Variants in CRADD observed in about 807,000 individuals in gnomAD.
CRADD encodes the protein death domain-containing protein CRADD.
In CRADD, 9 loss-of-function variants were observed where a neutral mutation model predicts 15.5. That is an observed-to-expected ratio of 0.58 (90% CI 0.35 to 1.01). The LOEUF is 1.01. Ranked by LOEUF, CRADD falls within the 50% of genes least tolerant of loss-of-function variation. CRADD has a pLI of 0.02. For synonymous variants in CRADD, 118 were observed against 107.6 expected (o/e 1.10, Z -0.60); for missense variants, 227 against 250.3 (o/e 0.91, Z 0.63).
intron 2 of CRADD, among the ~76,000 whole-genome samples, chr12:93,697,039 C>G (rs1196368247): frequency 3.3e-5 from 5 of 152,154 alleles, no homozygotes; most frequent in Admixed American, 3.3e-4. Context: ...TCTTGAAAAT[C>G]ACCTGAGTAA....
intron 2 of CRADD, among the ~76,000 whole-genome samples, chr12:93,732,710 G>T (rs1956487796): frequency 6.6e-6 from 1 of 152,156 alleles, no homozygotes; most frequent in Non-Finnish European, 1.5e-5. Context: ...TTGAGCTTTG[G>T]CAAGTCACTC....
At position 93,681,904 on chromosome 12, in the gene CRADD, G is replaced by T. The variant is rs185629629; in HGVS notation, c.298+2832G>T. Among the ~76,000 whole-genome samples, 363 of 152,224 alleles carry T rather than the reference G, an allele frequency of 2.4e-3. 3 individuals carry two copies. The highest frequency in any genetic ancestry group is 8.2e-3 in the African/African-American group (340 of 41,522). ...ATATGTATATATGTATATAGAGAGAGATATATATGTTTTTTGTGTGTGTGG... is the reference window on the plus strand; with the variant it reads ...ATATGTATATATGTATATAGAGAGATATATATATGTTTTTTGTGTGTGTGG... On this transcript the variant is annotated intron_variant, in intron 2 of 2. Coordinates refer to ENST00000332896, the MANE Select transcript of CRADD (RefSeq NM_003805.5).
chr12:93,863,951 C>T lies in CRADD; in HGVS notation c.299-30099C>T, dbSNP rs1958341100. Among the ~76,000 whole-genome samples, 5 of 152,048 alleles carry T rather than the reference C, an allele frequency of 3.3e-5. No individual in the cohort carries two copies. In the South Asian group the frequency reaches 8.3e-4, roughly 25 times the overall value. ...TGTTATTTATATATTTTACAGTACC[C>T]ATAAAAATAAATGCCTAACACCTAA... On this transcript the variant is annotated intron_variant, in intron 2 of 2. Transcript: ENST00000548483.
At chr12:93,801,431 C>T (rs1402658554) in intron 2 of CRADD, among the ~76,000 whole-genome samples, 1 of 152,172 alleles carries the variant, frequency 6.6e-6, no homozygotes, top group Non-Finnish European at 1.5e-5. Context: ...CGCAGTCTCA[C>T]TGTGTTGCCC....
chr12:93,834,724 G>A (rs1376803864), intron 2 of CRADD, among the ~76,000 whole-genome samples: 2 of 152,196 alleles, frequency 1.3e-5, no homozygotes, highest in African/African-American at 2.4e-5. Flanking sequence ...CCCACCTCAG[G>A]TGATCCACCT....
intron 2 of CRADD, among the ~76,000 whole-genome samples, chr12:93,702,682 G>C (rs1955864943): frequency 6.6e-6 from 1 of 151,588 alleles, no homozygotes; most frequent in Non-Finnish European, 1.5e-5. Context: ...CTTGGCTCCA[G>C]GCTTCTTAGA....
At chr12:93,862,731 A>G (rs1017697885) in intron 2 of CRADD, among the ~76,000 whole-genome samples, 4 of 152,202 alleles carry the variant, frequency 2.6e-5, no homozygotes, top group African/African-American at 9.7e-5. Flanking sequence ...GAATCTCCAA[A>G]TCAGAAATGT....
intron 2 of CRADD, among the ~76,000 whole-genome samples, chr12:93,810,756 A>G (rs1051698465): frequency 6.6e-6 from 1 of 152,078 alleles, no homozygotes; most frequent in Non-Finnish European, 1.5e-5. Context: ...CAGCCCCAAC[A>G]GTAGGTTCAA....
At chr12:93,751,384 G>A (rs1013015155) in intron 2 of CRADD, among the ~76,000 whole-genome samples, 1 of 152,128 alleles carries the variant, frequency 6.6e-6, no homozygotes, top group Non-Finnish European at 1.5e-5. Flanking sequence ...ACATTAATAT[G>A]TATTATTCCT....
intron 2 of CRADD, among the ~76,000 whole-genome samples, chr12:93,880,310 G>T (rs1167425804): frequency 1.3e-5 from 2 of 152,070 alleles, no homozygotes; most frequent in Non-Finnish European, 2.9e-5. Context: ...GGAAGAGCTA[G>T]TGGAGTTCAG....
intron 2 of CRADD, among the ~76,000 whole-genome samples, chr12:93,681,732 C>T (rs182177548): frequency 6.6e-5 from 10 of 152,274 alleles, no homozygotes; most frequent in Admixed American, 5.9e-4. Context: ...TCCCAACCCC[C>T]ACGCAGTGAA....
At chr12:93,759,417 G>A (rs1387201515) in intron 2 of CRADD, among the ~76,000 whole-genome samples, 7 of 129,550 alleles carry the variant, frequency 5.4e-5, no homozygotes, top group African/African-American at 1.7e-4. Flanking sequence ...GAACTAGCTC[G>A]AGAAAGGAAA....
At chr12:93,814,295 C>T (rs1957666086) in intron 2 of CRADD, among the ~76,000 whole-genome samples, 1 of 151,994 alleles carries the variant, frequency 6.6e-6, no homozygotes, top group Non-Finnish European at 1.5e-5. Flanking sequence ...ATTTTTCATT[C>T]TGAGATAAGC....
rs111478981 is a variant in CRADD at position 93,694,423 on chromosome 12, C to T, written c.298+15351C>T. ...TAAGATCAGGAACAAGAGAAGGATG[C>T]CCACTCTCACCACTCTTACTCAACA... On this transcript the variant is annotated intron_variant, in intron 2 of 2. Coordinates refer to ENST00000332896, the MANE Select transcript of CRADD (RefSeq NM_003805.5). Among the ~76,000 whole-genome samples the T allele has an allele frequency of 9.3e-3, 1,417 of 152,190 alleles. 35 individuals are homozygous for T. The highest frequency in any genetic ancestry group is 0.033 in the African/African-American group (1,351 of 41,542).
At chr12:93,825,709 A>G (rs917674412) in intron 2 of CRADD, among the ~76,000 whole-genome samples, 2 of 152,212 alleles carry the variant, frequency 1.3e-5, no homozygotes, top group South Asian at 2.1e-4. Context: ...GTATTAGGCT[A>G]TGAGAACCTA....
chr12:93,818,380 G>C (rs1957732776), intron 2 of CRADD, among the ~76,000 whole-genome samples: 2 of 152,144 alleles, frequency 1.3e-5, no homozygotes, highest in Non-Finnish European at 1.5e-5. Flanking sequence ...CCACTCCCTA[G>C]CCCCTTCCCA....
At chr12:93,868,989 A>C (rs910751927) in intron 2 of CRADD, among the ~76,000 whole-genome samples, 3 of 152,122 alleles carry the variant, frequency 2.0e-5, no homozygotes, top group African/African-American at 7.2e-5. Context: ...ACAGGGCAAG[A>C]CTCCAAAGAG....
At chr12:93,787,762 A>T (rs140342193) in intron 2 of CRADD, among the ~76,000 whole-genome samples, 1 of 152,172 alleles carries the variant, frequency 6.6e-6, no homozygotes, top group Non-Finnish European at 1.5e-5. Context: ...ATGAGAATTA[A>T]AGAGTTCTGT....
intron 2 of CRADD, among the ~76,000 whole-genome samples, chr12:93,831,614 T>C (rs1957903283): frequency 6.6e-6 from 1 of 152,252 alleles, no homozygotes; most frequent in African/African-American, 2.4e-5. Flanking sequence ...TCTTAAACGA[T>C]ACTTCTTGGG....
Sources: gnomAD v4.1 joint callset for allele counts (sites outside exome capture counted in the v4.1 genomes callset) on GRCh38, gnomAD v4.1.1 for gene constraint, MANE v1.5 for transcripts, NCBI Gene and HGNC (gene_info 2026-07-23, HGNC 2026-07-21) for gene names.